The following CTTNBP2NL variants were observed in gnomAD, a reference collection of about 807,000 sequenced individuals.
CTTNBP2NL encodes CTTNBP2 N-terminal like, also known as CTTNBP2 N-terminal-like protein.
CTTNBP2NL carries 16 observed loss-of-function variants against 32.5 expected under a neutral mutation model. The ratio of observed to expected loss-of-function variants is 0.49; its 90% CI spans 0.33 to 0.75. CTTNBP2NL has a LOEUF of 0.75. Ranked by LOEUF, CTTNBP2NL falls within the 30% of genes least tolerant of loss-of-function variation. CTTNBP2NL has a pLI of 0.02. For synonymous variants in CTTNBP2NL, 298 were observed against 289.4 expected (o/e 1.03, Z -0.30); for missense variants, 645 against 756.0 (o/e 0.85, Z 1.72).
chr1:112,418,997 C>G (rs1220616862), intron 3 of CTTNBP2NL, among the ~76,000 whole-genome samples: 2 of 152,090 alleles, frequency 1.3e-5, no homozygotes, highest in African/African-American at 2.4e-5. Context: ...ATTGGTATTG[C>G]TTTATTTTAA....
intron 3 of CTTNBP2NL, among the ~76,000 whole-genome samples, chr1:112,441,102 C>T (rs1421648637): frequency 6.6e-6 from 1 of 152,126 alleles, no homozygotes; most frequent in Non-Finnish European, 1.5e-5. Context: ...CATTTCAATT[C>T]AATGTGTTTT....
chr1:112,431,024 T>C (rs1235204975), intron 3 of CTTNBP2NL, among the ~76,000 whole-genome samples: 2 of 152,220 alleles, frequency 1.3e-5, no homozygotes, highest in Non-Finnish European at 2.9e-5. Flanking sequence ...CTCGTTTGAC[T>C]GATGTCTTCC....
At chr1:112,404,344 G>C (rs1227335597) in intron 1 of CTTNBP2NL, among the ~76,000 whole-genome samples, 1 of 152,204 alleles carries the variant, frequency 6.6e-6, no homozygotes, top group Non-Finnish European at 1.5e-5. Context: ...ATTTCTGCTA[G>C]AGGATTATTT....
chr1:112,461,000 G>C lies in CTTNBP2NL; in HGVS notation c.*3588G>C, dbSNP rs2101040663. 1 of 152,210 alleles carries C rather than the reference G, an allele frequency of 6.6e-6. No homozygotes were observed. The highest frequency in any genetic ancestry group is 1.9e-4 in the East Asian group (1 of 5,180). The allele number at this position is 152,210 out of a possible 1,614,324, so 9.4% of individuals were successfully genotyped here. A position where few individuals can be genotyped will look rare whatever the true frequency, so the allele number is the denominator to read the frequency against. ...CTTTCAAAACACTGGCTTCAAAATAGGATGTGTTTTCCTAATGAATCAGAA... is the reference window on the plus strand; with the variant it reads ...CTTTCAAAACACTGGCTTCAAAATACGATGTGTTTTCCTAATGAATCAGAA... On this transcript the variant is annotated 3_prime_UTR_variant, in exon 6 of 6. Coordinates refer to ENST00000271277, the MANE Select transcript of CTTNBP2NL (RefSeq NM_018704.3).
At chr1:112,407,166 A>G (rs1648690734) in intron 1 of CTTNBP2NL, among the ~76,000 whole-genome samples, 1 of 152,194 alleles carries the variant, frequency 6.6e-6, no homozygotes, top group Non-Finnish European at 1.5e-5. Context: ...TCTGAGAAAT[A>G]CTGTGTTGTA....
upstream of CTTNBP2NL, among the ~76,000 whole-genome samples, chr1:112,394,731 G>A (rs1042119293): frequency 3.3e-5 from 5 of 152,096 alleles, no homozygotes; most frequent in African/African-American, 4.8e-5. Context: ...CATCATCCAC[G>A]CCCATTCTTA....
At chr1:112,418,460 A>G (rs1034295832) in intron 3 of CTTNBP2NL, among the ~76,000 whole-genome samples, 1 of 152,130 alleles carries the variant, frequency 6.6e-6, no homozygotes, top group African/African-American at 2.4e-5. Context: ...CACATTATTC[A>G]GTGTCTTGTA....
chr1:112,424,870 G>A (rs1414925762), intron 3 of CTTNBP2NL, among the ~76,000 whole-genome samples: 2 of 151,960 alleles, frequency 1.3e-5, no homozygotes, highest in African/African-American at 4.8e-5. Flanking sequence ...CAGGCTGAGT[G>A]TAGTGGCATG....
In CTTNBP2NL at chr1:112,411,005, A is replaced by G. The variant is rs543397791; in HGVS notation, c.-133-1189A>G. On this transcript the variant is annotated intron_variant, in intron 1 of 5. Transcript: ENST00000271277. ...TTTCTGATAATGAATATGGGGCTAG[A>G]AATACCCTTTTTCTGAATATCCTTG... Among the ~76,000 whole-genome samples, 4 of 152,354 alleles carry G rather than the reference A, an allele frequency of 2.6e-5. No individual in the cohort carries two copies. In the South Asian group the frequency reaches 8.3e-4, roughly 32 times the overall value.
intron 2 of CTTNBP2NL, among the ~76,000 whole-genome samples, chr1:112,413,475 C>G (rs1648948365): frequency 6.6e-6 from 1 of 152,154 alleles, no homozygotes; most frequent in Admixed American, 6.5e-5. Flanking sequence ...CATAGCAGCC[C>G]TATGAGTTAA....
intron 1 of CTTNBP2NL, among the ~76,000 whole-genome samples, chr1:112,407,836 CTTTCTTTT>C (rs1311616097): frequency 2.0e-3 from 219 of 108,160 alleles, no homozygotes; most frequent in African/African-American, 7.0e-3. Flanking sequence ...TTTCTTTTTT[CTTTCTTTT>C]TTTTTTTTTT....
intron 1 of CTTNBP2NL, among the ~76,000 whole-genome samples, chr1:112,402,306 T>C (rs963437524): frequency 6.6e-6 from 1 of 152,072 alleles, no homozygotes; most frequent in Non-Finnish European, 1.5e-5. Flanking sequence ...TAATCCCAGC[T>C]ACTCGGGAGG....
At chr1:112,395,044 C>T (rs1053590044), upstream of CTTNBP2NL, among the ~76,000 whole-genome samples, 1 of 152,196 alleles carries the variant, frequency 6.6e-6, no homozygotes, top group African/African-American at 2.4e-5. Flanking sequence ...GATCACATCC[C>T]TCAGTCAGAC....
intron 3 of CTTNBP2NL, among the ~76,000 whole-genome samples, chr1:112,424,666 A>G (rs2492523): frequency 0.55 from 83,988 of 152,014 alleles, 24,345 homozygotes; most frequent in South Asian, 0.71. Context: ...ATATCTCATC[A>G]TTTATTTAGG....
rs539720641 is a variant in CTTNBP2NL, at chr1:112,444,412, T to G, written c.100-4530T>G. Reference sequence around the variant, plus strand: ...GCAAGTATGGCCGACTCTAAGAAGATTATGTGATTTGATTTTAAGCTTTCA... The same window carrying G: ...GCAAGTATGGCCGACTCTAAGAAGAGTATGTGATTTGATTTTAAGCTTTCA... On this transcript the variant is annotated intron_variant, in intron 3 of 5. Transcript: ENST00000271277. 5.3e-5 allele frequency among the ~76,000 whole-genome samples: 8 copies of G among 152,278 alleles called. No homozygotes were observed. The East Asian group carries it at 1.5e-3, about 29-fold the overall frequency.
At chr1:112,422,099 A>C (rs1048283035) in intron 3 of CTTNBP2NL, among the ~76,000 whole-genome samples, 8 of 152,130 alleles carry the variant, frequency 5.3e-5, no homozygotes, top group Non-Finnish European at 7.4e-5. Context: ...GCTCCCCAAA[A>C]TTTTTATGCC....
Position 112,456,529 on chromosome 1 carries a change from C to G in CTTNBP2NL, c.1037C>G (p.Ala346Gly), listed in dbSNP as rs775119077. The change falls in exon 6 of 6, where the codon GCA (alanine) becomes GGA (glycine). Residue 346 changes from alanine (A) to glycine (G), a missense_variant. Transcript: ENST00000271277. The stretch of plus-strand genomic sequence containing the variant: ...CCTGCCACTCCTGCTTACTCATATG[C>G]AAAAACCAATGGCCATTGTGACCCA... ...PGPATPAYSY[A>G]KTNGHCDPEI... 10 of 1,614,132 alleles carry G rather than the reference C, an allele frequency of 6.2e-6. No homozygotes were observed. The highest frequency in any genetic ancestry group is 8.5e-6 in the Non-Finnish European group (10 of 1,180,012).
At chr1:112,397,990 A>C (rs978531998) in intron 1 of CTTNBP2NL, among the ~76,000 whole-genome samples, 3 of 152,226 alleles carry the variant, frequency 2.0e-5, no homozygotes, top group Admixed American at 6.5e-5. Context: ...TCCAGTAAGA[A>C]AGTACAAAGA....
chr1:112,440,627 C>G (rs1022276700), intron 3 of CTTNBP2NL, among the ~76,000 whole-genome samples: 2 of 152,174 alleles, frequency 1.3e-5, no homozygotes, highest in African/African-American at 4.8e-5. Context: ...CTGATCAAGA[C>G]CTACTAAATT....
Sources: allele counts gnomAD v4.1 joint callset (sites outside exome capture counted in the v4.1 genomes callset), GRCh38; gene constraint gnomAD v4.1.1; transcripts MANE v1.5; gene names NCBI Gene and HGNC (gene_info 2026-07-23, HGNC 2026-07-21).